The following HTRA4 variants were observed in gnomAD, a reference collection of about 807,000 sequenced individuals.
The protein encoded by HTRA4 is HtrA serine peptidase 4, also known as serine protease HTRA4.
HTRA4 carries 46 observed loss-of-function variants against 49.1 expected under a neutral mutation model. The observed-to-expected ratio is 0.94, with a 90% CI of 0.74 to 1.20. HTRA4 has a LOEUF of 1.20. HTRA4 is among the 50% of genes most tolerant of loss of function. HTRA4 has a pLI of 0.00. For synonymous variants in HTRA4, 261 were observed against 264.0 expected (o/e 0.99, Z 0.11); for missense variants, 602 against 636.9 (o/e 0.95, Z 0.59).
At chr8:38,982,624 A>G in intron 7 of HTRA4, 69 bp downstream of exon 7, 1 of 1,452,050 alleles carries the variant, frequency 6.9e-7, no homozygotes, top group East Asian at 2.3e-5. Context: ...CAGTCTTAAC[A>G]GAAAAGCTGA....
chr8:38,985,006 C>T (rs529959868), intron 8 of HTRA4, among the ~76,000 whole-genome samples: 5 of 152,124 alleles, frequency 3.3e-5, no homozygotes, highest in South Asian at 2.1e-4. Context: ...CAGAGGCCAG[C>T]GCTAAGACCT....
At chr8:38,983,897 G>A (rs1049113386) in intron 8 of HTRA4, among the ~76,000 whole-genome samples, 9 of 151,838 alleles carry the variant, frequency 5.9e-5, no homozygotes, top group Admixed American at 1.3e-4. Flanking sequence ...AAATTAATTT[G>A]GCTAGGAATT....
At position 38,974,753 on chromosome 8, in the gene HTRA4, T is replaced by G. The variant is rs754875326; in HGVS notation, c.466+24T>G. 5 of 1,411,504 alleles carry G rather than the reference T, an allele frequency of 3.5e-6. No individual in the cohort carries two copies. The South Asian group carries it at 6.2e-5, about 18-fold the overall frequency. The allele number at this position is 1,411,504 out of a possible 1,614,324, so 87.4% of individuals were successfully genotyped here. A position where few individuals can be genotyped will look rare whatever the true frequency, so the allele number is the denominator to read the frequency against. On this transcript the variant is annotated intron_variant, in intron 1 of 8. Transcript: ENST00000302495. ...AGGTGAGCCGCGGGGGCGCGCGCCC[T>G]CGGAACACTTTCTAACTCTGGAGGA...
chr8:38,985,249 C>T (rs960023103), intron 8 of HTRA4, among the ~76,000 whole-genome samples: 4 of 149,242 alleles, frequency 2.7e-5, no homozygotes, highest in Non-Finnish European at 5.9e-5. Flanking sequence ...CAACCTCTGC[C>T]TCCTGGGTTC....
chr8:38,988,065 G>C lies in HTRA4; in HGVS notation c.1398G>C (p.Leu466Phe). The C allele has an allele frequency of 6.2e-7, 1 of 1,608,022 alleles. No individual in the cohort carries two copies. The highest frequency in any genetic ancestry group is 8.5e-7 in the Non-Finnish European group (1 of 1,178,176). The change falls in exon 9 of 9, where the codon TTG becomes TTC. Residue 466 changes from leucine to phenylalanine, a missense_variant. Physicochemically the swap from Leu to Phe is conservative, Grantham distance 22. Transcript: ENST00000302495. ...CTGTTCTTCGGGGAAAAGATAATTT[G>C]CTCCTGACAGTCATACCTGAAACAA... ...SMAVLRGKDN[L>F]LLTVIPETIN
At chr8:38,984,649 TGAG>T (rs1835462628) in intron 8 of HTRA4, among the ~76,000 whole-genome samples, 2 of 152,092 alleles carry the variant, frequency 1.3e-5, no homozygotes, top group Admixed American at 6.6e-5. Flanking sequence ...CTTGGGAGGC[TGAG>T]GTCAGAGAAT....
chr8:38,982,669 A>G, intron 7 of HTRA4, 114 bp downstream of exon 7: 2 of 922,754 alleles, frequency 2.2e-6, no homozygotes, highest in Non-Finnish European at 3.5e-6. Context: ...TCTTGTGACC[A>G]TAGGCCCTAT....
Position 38,977,996 on chromosome 8 carries a change from G to C in HTRA4, c.815G>C (p.Arg272Pro). The stretch of plus-strand genomic sequence containing the variant: ...ATGCTGGGAAGATCATCTGACCTTC[G>C]GGCTGGAGAGTTTGTGGTGGCTTTG... ...VLMLGRSSDLRAGEFVVALGS... is the reference protein window; with the variant it reads ...VLMLGRSSDLPAGEFVVALGS... Residue 272 changes from arginine to proline, a missense_variant, in exon 4 of 9, where the codon CGG becomes CCG. Physicochemically the swap from Arg to Pro is moderately radical, Grantham distance 103. Coordinates refer to ENST00000302495, the MANE Select transcript of HTRA4 (RefSeq NM_153692.4). The C allele has an allele frequency of 6.2e-7, 1 of 1,614,078 alleles. No homozygotes were observed. Among genetic ancestry groups the C allele is most frequent in the Non-Finnish European group, 8.5e-7 (1 of 1,180,028 alleles).
In HTRA4 at chr8:38,974,581, C is replaced by A; in HGVS notation, c.318C>A (p.Cys106Ter). 1 of 1,423,906 alleles carries A rather than the reference C, an allele frequency of 7.0e-7. No homozygotes were observed. The highest frequency in any genetic ancestry group is 2.4e-4 in the Middle Eastern group (1 of 4,152). The allele number at this position is 1,423,906 out of a possible 1,614,324, so 88.2% of individuals were successfully genotyped here. A position where few individuals can be genotyped will look rare whatever the true frequency, so the allele number is the denominator to read the frequency against. ...TGCGCCCCGGGTTCCCCAGCACCTG[C>A]GGTTGCCCGACGCTGGGAGGGGCCG... ...QPLRPGFPST[C>*]GCPTLGGAVC... is the part of the protein sequence containing the mutation. The change falls in exon 1 of 9, where the codon TGC becomes TGA. Residue 106 changes from cysteine (C) to a stop codon, truncating the protein, a stop_gained. Transcript: ENST00000302495. LOFTEE classifies it high-confidence loss of function.
In HTRA4 at chr8:38,982,496, A is replaced by G. The variant is rs1835435380; in HGVS notation, c.1115-2A>G. 6.2e-7 allele frequency: 1 copy of G among 1,613,324 alleles called. No individual in the cohort carries two copies. On this transcript the variant is annotated splice_acceptor_variant, in intron 6 of 8. Transcript: ENST00000302495. LOFTEE classifies it high-confidence loss of function. The stretch of plus-strand genomic sequence containing the variant: ...GTAACACATCATAACTTTCCTTTCC[A>G]GGAAAGGCGTTTTCAAATAAGAAAT...
intron 5 of HTRA4, among the ~76,000 whole-genome samples, chr8:38,979,550 T>C (rs1835394118): frequency 6.6e-6 from 1 of 152,248 alleles, no homozygotes; most frequent in Non-Finnish European, 1.5e-5. Context: ...AAATTCAAGA[T>C]TGTTATCCTG....
In HTRA4 at chr8:38,981,654, A is replaced by T; in HGVS notation, c.1001A>T (p.Asp334Val). Residue 334 changes from aspartate (D) to valine (V), a missense_variant and splice_region_variant, in exon 6 of 9, where the codon GAT (aspartate) becomes GTT (valine). Coordinates refer to ENST00000302495, the MANE Select transcript of HTRA4 (RefSeq NM_153692.4). ...GAATGATGTCCCCTCCCTTGCCAGG[A>T]TGGTGATGTGATTGGCGTCAATTCA... ...GNSGGPLVNL[D>V]GDVIGVNSLR... The T allele has an allele frequency of 6.2e-7, 1 of 1,611,660 alleles. No individual in the cohort carries two copies. The highest frequency in any genetic ancestry group is 8.5e-7 in the Non-Finnish European group (1 of 1,178,320).
chr8:38,974,936 C>T, intron 1 of HTRA4, 95 bp from the exon 2 acceptor site: 2 of 1,460,324 alleles, frequency 1.4e-6, no homozygotes, highest in Non-Finnish European at 9.5e-7. Flanking sequence ...TCCCCATGCA[C>T]CTTTTGAACA....
At chr8:38,978,196 A>G in intron 4 of HTRA4, 49 bp downstream of exon 4, 1 of 1,512,238 alleles carries the variant, frequency 6.6e-7, no homozygotes, top group Non-Finnish European at 9.0e-7. Flanking sequence ...GTGGACCAGT[A>G]CAGGTCCATG....
chr8:38,979,611 T>G (rs1013969968), intron 5 of HTRA4, among the ~76,000 whole-genome samples: 6 of 152,230 alleles, frequency 3.9e-5, no homozygotes, highest in African/African-American at 1.4e-4. Flanking sequence ...TCCGGCTTCC[T>G]TTGAAATTTC....
chr8:38,977,972 T>C lies in HTRA4; in HGVS notation c.791T>C (p.Met264Thr). Residue 264 changes from methionine to threonine, a missense_variant, in exon 4 of 9, where the codon ATG becomes ACG. Transcript: ENST00000302495. ...IESNAELPVLMLGRSSDLRAG... is the reference protein window; with the variant it reads ...IESNAELPVLTLGRSSDLRAG... ...GTGCAGGCTGAACTTCCTGTACTGA[T>C]GCTGGGAAGATCATCTGACCTTCGG... The C allele has an allele frequency of 6.2e-7, 1 of 1,614,092 alleles. No individual in the cohort carries two copies. The highest frequency in any genetic ancestry group is 8.5e-7 in the Non-Finnish European group (1 of 1,180,010).
At chr8:38,984,822 G>A (rs1835465450) in intron 8 of HTRA4, among the ~76,000 whole-genome samples, 2 of 152,136 alleles carry the variant, frequency 1.3e-5, no homozygotes, top group Admixed American at 1.3e-4. Context: ...TACTTGGGGA[G>A]GTCGAGATGG....
intron 8 of HTRA4, 124 bp from the exon 9 acceptor site, chr8:38,987,812 T>G (rs1835502383): frequency 1.3e-6 from 1 of 772,926 alleles, no homozygotes; most frequent in African/African-American, 1.8e-5. Flanking sequence ...GAGGCTATTT[T>G]CTCGTTTGTA....
At chr8:38,974,754 C>G in intron 1 of HTRA4, 25 bp downstream of exon 1, 2 of 1,411,540 alleles carry the variant, frequency 1.4e-6, no homozygotes, top group Middle Eastern at 2.3e-4. Context: ...CGCGCGCCCT[C>G]GGAACACTTT....
Sources: gnomAD v4.1 joint callset for allele counts (sites outside exome capture counted in the v4.1 genomes callset) on GRCh38, gnomAD v4.1.1 for gene constraint, MANE v1.5 for transcripts, NCBI Gene and HGNC (gene_info 2026-07-23, HGNC 2026-07-21) for gene names.